RGS7: variants seen among roughly 807,000 people sequenced by gnomAD.
The protein encoded by RGS7 is regulator of G-protein signaling 7.
A neutral mutation model predicts 81.1 loss-of-function variants in RGS7; 27 were observed. The ratio of observed to expected loss-of-function variants is 0.33; its 90% CI spans 0.25 to 0.46. RGS7 has a LOEUF of 0.46. Among genes scored for constraint, RGS7 ranks in the 20% least tolerant of loss-of-function variants. The pLI, the probability that RGS7 is intolerant of heterozygous loss-of-function variation, is 1.00. For missense variants in RGS7, 396 were observed against 607.4 expected, an observed-to-expected ratio of 0.65 and a Z score of 3.66; for synonymous variants, 208 against 207.7, an observed-to-expected ratio of 1.00 and a Z score of -0.01.
intron 4 of RGS7, among the ~76,000 whole-genome samples, chr1:240,950,390 C>G (rs1038796033): frequency 6.6e-6 from 1 of 152,194 alleles, no homozygotes; most frequent in African/African-American, 2.4e-5. Context: ...ATTATTCTCA[C>G]CAGGGAAAGG....
rs946124843 is a variant in RGS7, at chr1:241,300,114, C to CA, written c.78+55584dup. 5.2e-3 allele frequency among the ~76,000 whole-genome samples: 734 copies of CA among 141,164 alleles called. 7 individuals carry two copies. The highest frequency in any genetic ancestry group is 0.016 in the African/African-American group (633 of 38,664). The allele number at this position is 141,164 out of a possible 152,430, so 92.6% of individuals were successfully genotyped here. The stretch of plus-strand genomic sequence containing the variant: ...TGGGTGATAGAGCAAGACCATGTCT[C>CA]AAAAAAAAAAAGACAATTTTTTGGG... On this transcript the variant is annotated intron_variant, in intron 2 of 18. Transcript: ENST00000440928.
At chr1:241,254,266 T>C (rs952212225) in intron 2 of RGS7, among the ~76,000 whole-genome samples, 5 of 150,562 alleles carry the variant, frequency 3.3e-5, no homozygotes, top group Non-Finnish European at 7.4e-5. Context: ...GTTAGAAGAA[T>C]ATGGGAGTAG....
intron 3 of RGS7, among the ~76,000 whole-genome samples, chr1:241,078,223 G>T (rs764553248): frequency 2.1e-4 from 31 of 148,162 alleles, no homozygotes; most frequent in Middle Eastern, 3.6e-3. Flanking sequence ...GAGGAGCACT[G>T]ACCATGGAAA....
Position 241,265,849 on chromosome 1 carries a change from C to T in RGS7, c.78+89850G>A, listed in dbSNP as rs529806412. On this transcript the variant is annotated intron_variant, in intron 2 of 18. Coordinates refer to ENST00000440928, the MANE Select transcript of RGS7 (RefSeq NM_001364886.1). ...TGCTCTTGTTGCCCAGGCTGGAATG[C>T]AACGGCGCAATCTCGGCTCAACGCA... 1.6e-4 allele frequency among the ~76,000 whole-genome samples: 22 copies of T among 138,750 alleles called. 1 individual carries two copies. Among genetic ancestry groups the T allele is most frequent in the African/African-American group, 5.8e-4 (21 of 36,516 alleles). The allele number at this position is 138,750 out of a possible 152,430, so 91.0% of individuals were successfully genotyped here. A position where few individuals can be genotyped will look rare whatever the true frequency, so the allele number is the denominator to read the frequency against.
At chr1:241,182,821 CG>C (rs1423671579) in intron 2 of RGS7, among the ~76,000 whole-genome samples, 2 of 108,512 alleles carry the variant, frequency 1.8e-5, no homozygotes, top group East Asian at 5.7e-4. Context: ...GTTAATTTTT[CG>C]GTTTTTGTTT....
intron 2 of RGS7, among the ~76,000 whole-genome samples, chr1:241,225,139 C>T (rs1472404308): frequency 6.6e-6 from 1 of 152,124 alleles, no homozygotes; most frequent in Non-Finnish European, 1.5e-5. Flanking sequence ...TTTCTCATTC[C>T]TCATCCCCCT....
Position 241,046,308 on chromosome 1 carries a change from C to CG in RGS7, c.175+52357_175+52358insC, listed in dbSNP as rs1558642864. On this transcript the variant is annotated intron_variant, in intron 3 of 18. Transcript: ENST00000440928. ...GGGTAGTTTTTCAGCCCTGACCCCC[C>CG]CCCCCTTTTCTAGTCATCCCCAATG... 5.1e-4 allele frequency among the ~76,000 whole-genome samples: 8 copies of CG among 15,674 alleles called. No individual in the cohort carries two copies. The East Asian group carries it at 0.011, about 21-fold the overall frequency. 10.3% of individuals were successfully genotyped at this position (15,674 alleles called of 152,430 possible).
At chr1:241,180,680 C>T (rs2071544964) in intron 2 of RGS7, among the ~76,000 whole-genome samples, 1 of 152,198 alleles carries the variant, frequency 6.6e-6, no homozygotes, top group African/African-American at 2.4e-5. Context: ...TGTCCTTTGA[C>T]ACACAGAATG....
At position 240,989,688 on chromosome 1, in the gene RGS7, C is replaced by G. The variant is rs143178318; in HGVS notation, c.176-6559G>C. Among the ~76,000 whole-genome samples the G allele has an allele frequency of 8.7e-4, 132 of 152,028 alleles. 1 individual carries two copies. The highest frequency in any genetic ancestry group is 2.8e-3 in the African/African-American group (118 of 41,480). On this transcript the variant is annotated intron_variant, in intron 3 of 18. Coordinates refer to ENST00000440928, the MANE Select transcript of RGS7 (RefSeq NM_001364886.1). ...CCTGGTGGTTTTGGGCTAGAGGCAT[C>G]GACATTTTTTTAATTTAAAAAAATT... is the stretch of plus-strand genomic sequence containing the variant.
chr1:240,826,857 A>C (rs1572281969), intron 10 of RGS7, among the ~76,000 whole-genome samples: 1 of 151,874 alleles, frequency 6.6e-6, no homozygotes, highest in East Asian at 1.9e-4. Context: ...GGTTTTCTAA[A>C]GATGATTTCC....
intron 6 of RGS7, among the ~76,000 whole-genome samples, chr1:240,889,418 G>C (rs12072587): frequency 0.028 from 4,220 of 152,216 alleles, 205 homozygotes; most frequent in African/African-American, 0.096. Context: ...CCAGCAGCAG[G>C]GTGGCTAGAG....
chr1:241,320,349 C>G (rs2081137832), intron 2 of RGS7, among the ~76,000 whole-genome samples: 1 of 152,126 alleles, frequency 6.6e-6, no homozygotes, highest in African/African-American at 2.4e-5. Flanking sequence ...TCGGAGAGAT[C>G]CCTCAATGAA....
At chr1:241,353,207 G>A (rs1326763976) in intron 2 of RGS7, among the ~76,000 whole-genome samples, 1 of 152,140 alleles carries the variant, frequency 6.6e-6, no homozygotes, top group African/African-American at 2.4e-5. Flanking sequence ...CCTTTATGAA[G>A]GCAGAGCAGT....
intron 4 of RGS7, among the ~76,000 whole-genome samples, chr1:240,954,121 C>T (rs933928786): frequency 6.6e-6 from 1 of 151,806 alleles, no homozygotes; most frequent in Admixed American, 6.6e-5. Flanking sequence ...TAATAACTTC[C>T]CCCTCAAAAA....
At chr1:241,033,108 C>T (rs1307648058) in intron 3 of RGS7, among the ~76,000 whole-genome samples, 1 of 152,220 alleles carries the variant, frequency 6.6e-6, no homozygotes, top group Non-Finnish European at 1.5e-5. Flanking sequence ...GCAACCCCAG[C>T]ACTTTGGAAG....
chr1:240,935,039 C>T (rs1243007052), intron 5 of RGS7, among the ~76,000 whole-genome samples: 1 of 150,896 alleles, frequency 6.6e-6, no homozygotes, highest in African/African-American at 2.4e-5. Context: ...CAGGCACATG[C>T]CACAACACCC....
At chr1:241,098,074 A>C (rs1484200870) in intron 3 of RGS7, among the ~76,000 whole-genome samples, 3 of 152,178 alleles carry the variant, frequency 2.0e-5, no homozygotes, top group Admixed American at 1.3e-4. Flanking sequence ...ATTTATCCCG[A>C]GCACTTTCAT....
At chr1:241,283,605 C>A (rs1329409426) in intron 2 of RGS7, among the ~76,000 whole-genome samples, 2 of 152,000 alleles carry the variant, frequency 1.3e-5, no homozygotes, top group Non-Finnish European at 2.9e-5. Flanking sequence ...ACATCAATTT[C>A]TTTGGGTTTC....
chr1:241,160,332 A>C (rs1224925659), intron 2 of RGS7, among the ~76,000 whole-genome samples: 1 of 152,156 alleles, frequency 6.6e-6, no homozygotes, highest in Non-Finnish European at 1.5e-5. Flanking sequence ...CTTCCTTACA[A>C]AATTCATGTC....
Sources: allele counts gnomAD v4.1 joint callset (sites outside exome capture counted in the v4.1 genomes callset), GRCh38; gene constraint gnomAD v4.1.1; transcripts MANE v1.5; gene names NCBI Gene and HGNC (gene_info 2026-07-23, HGNC 2026-07-21).